ARFGEF3: variants seen among roughly 807,000 people sequenced by gnomAD.
ARFGEF3 encodes ARFGEF family member 3.
ARFGEF3 carries 96 observed loss-of-function variants against 221.7 expected under a neutral mutation model. The ratio of observed to expected loss-of-function variants is 0.43; its 90% CI spans 0.37 to 0.51. The LOEUF (loss-of-function observed/expected upper bound fraction) is 0.51. ARFGEF3 is among the 20% of genes least tolerant of loss of function. The probability of loss-of-function intolerance (pLI) is 0.00; values close to 1 mark genes in which losing one functional copy is unlikely to be tolerated. For missense variants in ARFGEF3, 2,410 were observed against 2,789.9 expected, an observed-to-expected ratio of 0.86 and a Z score of 3.07; for synonymous variants, 1,145 against 1,126.8, an observed-to-expected ratio of 1.02 and a Z score of -0.32.
At position 138,169,967 on chromosome 6, in the gene ARFGEF3, C is replaced by T. The variant is rs76171842; in HGVS notation, c.86-695C>T. Among the ~76,000 whole-genome samples the T allele has an allele frequency of 3.0e-3, 450 of 152,206 alleles. 2 individuals carry two copies. The highest frequency in any genetic ancestry group is 0.01 in the African/African-American group (420 of 41,522). On this transcript the variant is annotated intron_variant, in intron 1 of 33. Transcript: ENST00000251691. ...GACTCCAAGGAGTGAAGAAAGGGGT[C>T]AACACAATTTCAGCTGCAAGACTGG...
chr6:138,258,734 T>C (rs1229596313), intron 10 of ARFGEF3, among the ~76,000 whole-genome samples: 2 of 152,222 alleles, frequency 1.3e-5, no homozygotes, highest in African/African-American at 2.4e-5. Flanking sequence ...AATAAGTGTT[T>C]AGTAACTTTT....
intron 2 of ARFGEF3, among the ~76,000 whole-genome samples, chr6:138,191,806 T>C (rs529680318): frequency 6.6e-6 from 1 of 152,308 alleles, no homozygotes; most frequent in East Asian, 1.9e-4. Flanking sequence ...CTGTAGGTTC[T>C]TTTTCCTTTT....
At chr6:138,272,375 T>C (rs1779019892) in intron 12 of ARFGEF3, among the ~76,000 whole-genome samples, 1 of 152,174 alleles carries the variant, frequency 6.6e-6, no homozygotes, top group Admixed American at 6.5e-5. Flanking sequence ...CAGGCTGGTC[T>C]TGAACTCCTG....
At chr6:138,220,215 C>T (rs1777957128) in intron 4 of ARFGEF3, among the ~76,000 whole-genome samples, 1 of 152,122 alleles carries the variant, frequency 6.6e-6, no homozygotes, top group African/African-American at 2.4e-5. Context: ...GTTTCCCAGG[C>T]TGGTCTCGAA....
chr6:138,289,182 A>G (rs372275084), intron 17 of ARFGEF3, among the ~76,000 whole-genome samples: 2 of 152,160 alleles, frequency 1.3e-5, no homozygotes, highest in African/African-American at 4.8e-5. Context: ...CGAACTCCCA[A>G]CCTCTGGTGA....
intron 21 of ARFGEF3, 138 bp downstream of exon 21, chr6:138,297,093 C>G: frequency 1.1e-6 from 1 of 912,306 alleles, no homozygotes; most frequent in Admixed American, 2.8e-5. Context: ...CACCTGGTCA[C>G]AAACATCACT....
chr6:138,300,076 A>G (rs918203050), intron 22 of ARFGEF3, among the ~76,000 whole-genome samples: 3 of 152,226 alleles, frequency 2.0e-5, no homozygotes, highest in Non-Finnish European at 4.4e-5. Flanking sequence ...AACACACAAG[A>G]AAACAAGGCA....
At chr6:138,238,244 A>C in intron 5 of ARFGEF3, among the ~76,000 whole-genome samples, 1 of 152,196 alleles carries the variant, frequency 6.6e-6, no homozygotes, top group Non-Finnish European at 1.5e-5. Flanking sequence ...ACATCTAAAA[A>C]TCGCTAATTT....
rs748291441 is a variant in ARFGEF3, at chr6:138,263,093, A to G, written c.1610A>G (p.Lys537Arg). 2 of 1,613,908 alleles carry G rather than the reference A, an allele frequency of 1.2e-6. No individual in the cohort carries two copies. The highest frequency in any genetic ancestry group is 4.5e-5 in the East Asian group (2 of 44,890). Residue 537 changes from lysine to arginine, a missense_variant, in exon 12 of 34, where the codon AAG (lysine) becomes AGG (arginine). By Grantham distance (26) the Lys-to-Arg change is conservative (BLOSUM62 2). This residue lies in a region of ARFGEF3 where 594 missense variants were observed against 734.3 expected (regional missense o/e 0.81). Transcript: ENST00000251691. ...TCGGGAAACCACAAGAACAGTCTCA[A>G]GTCGCCAGCCATCCCAGAGGGTAAG... Reference protein sequence around the residue: ...DHSGNHKNSLKSPAIPEGKET... With the variant: ...DHSGNHKNSLRSPAIPEGKET...
At position 138,253,897 on chromosome 6, in the gene ARFGEF3, A is replaced by C; in HGVS notation, c.683A>C (p.Gln228Pro). 6.3e-7 allele frequency: 1 copy of C among 1,586,728 alleles called. No homozygotes were observed. The highest frequency in any genetic ancestry group is 8.6e-7 in the Non-Finnish European group (1 of 1,166,494). ...QAAINDSQQL[Q>P]LLYLECILSV... ...TTCTGCAGTGACAGCCAGCAGCTGC[A>C]GCTTCTCTACCTGGAGTGCATCCTG... The change falls in exon 9 of 34, where the codon CAG becomes CCG. Residue 228 changes from glutamine (Q) to proline (P), a missense_variant. By Grantham distance (76) the Gln-to-Pro change is moderately conservative. This residue lies in a region of ARFGEF3 where 570 missense variants were observed against 586.9 expected (regional missense o/e 0.97). Transcript: ENST00000251691.
intron 6 of ARFGEF3, among the ~76,000 whole-genome samples, chr6:138,239,818 T>TA (rs1778360619): frequency 1.3e-5 from 2 of 152,170 alleles, no homozygotes; most frequent in South Asian, 4.1e-4. Context: ...AGGAGAGCCT[T>TA]AGAGATGATC....
intron 5 of ARFGEF3, among the ~76,000 whole-genome samples, chr6:138,235,461 GC>G (rs1425704399): frequency 6.6e-6 from 1 of 152,192 alleles, no homozygotes; most frequent in Non-Finnish European, 1.5e-5. Context: ...AAAGCAAAGA[GC>G]ATGGGCAGGT....
chr6:138,167,725 T>A (rs1433249087), intron 1 of ARFGEF3, among the ~76,000 whole-genome samples: 1 of 152,232 alleles, frequency 6.6e-6, no homozygotes, highest in Admixed American at 6.5e-5. Flanking sequence ...TTATCTGAAC[T>A]TCTGCAACAC....
Position 138,335,145 on chromosome 6 carries a change from G to A in ARFGEF3, c.6299G>A (p.Ser2100Asn), listed in dbSNP as rs796786018. ...AGGCCCCGCTCAGGCTCCACCGGGA[G>A]CTCCCTCAGTGTCTCGGTGAGAGAC... ...DKRPRSGSTG[S>N]SLSVSVRDAE... The change falls in exon 33 of 34, where the codon AGC becomes AAC. Residue 2100 changes from serine to asparagine, a missense_variant. Transcript: ENST00000251691. The A allele has an allele frequency of 1.9e-6, 3 of 1,588,126 alleles. No individual in the cohort carries two copies. The highest frequency in any genetic ancestry group is 3.5e-5 in the Admixed American group (2 of 56,494).
intron 16 of ARFGEF3, 21 bp from the exon 17 acceptor site, chr6:138,287,053 C>A: frequency 6.4e-7 from 1 of 1,561,376 alleles, no homozygotes; most frequent in South Asian, 1.2e-5. Context: ...GTCAAGAAGT[C>A]ATTGTGTGTC....
At chr6:138,250,564 A>G (rs1778561220) in intron 8 of ARFGEF3, among the ~76,000 whole-genome samples, 3 of 152,192 alleles carry the variant, frequency 2.0e-5, no homozygotes, top group Admixed American at 2.0e-4. Flanking sequence ...CTAAATTCAA[A>G]TCTATTTCTA....
In ARFGEF3 at chr6:138,209,872, G is replaced by C. The variant is rs201650935; in HGVS notation, c.220-38G>C. 2.7e-3 allele frequency: 4,279 copies of C among 1,607,300 alleles called. 7 individuals are homozygous for C. The highest frequency in any genetic ancestry group is 3.5e-3 in the Non-Finnish European group (4,137 of 1,175,734). On this transcript the variant is annotated intron_variant, in intron 3 of 33. Transcript: ENST00000251691. ...TACAACCAAATAAGGCAGCAGGGGA[G>C]AGCCTATCTGTGATCACTGCCTTGT... is the stretch of plus-strand genomic sequence containing the variant.
At chr6:138,311,080 ACCAT>A (rs1779818374) in intron 24 of ARFGEF3, among the ~76,000 whole-genome samples, 1 of 152,250 alleles carries the variant, frequency 6.6e-6, no homozygotes, top group African/African-American at 2.4e-5. Context: ...ACAAAGGAAC[ACCAT>A]CCAGCCACTG....
At chr6:138,176,779 A>G (rs944337140) in intron 2 of ARFGEF3, among the ~76,000 whole-genome samples, 4 of 152,012 alleles carry the variant, frequency 2.6e-5, no homozygotes, top group South Asian at 2.1e-4. Context: ...TCCTTTGAGC[A>G]TTGCTGGTAG....
Sources: allele counts gnomAD v4.1 joint callset (sites outside exome capture counted in the v4.1 genomes callset), GRCh38; gene constraint gnomAD v4.1.1; regional missense constraint gnomAD v4.1.1; transcripts MANE v1.5; gene names NCBI Gene and HGNC (gene_info 2026-07-23, HGNC 2026-07-21).